The following KCNAB2 variants were observed in gnomAD, a reference collection of about 807,000 sequenced individuals.
KCNAB2 encodes potassium voltage-gated channel subfamily A regulatory beta subunit 2, also known as voltage-gated potassium channel subunit beta-2.
In KCNAB2, 29 loss-of-function variants were observed where a neutral mutation model predicts 63.6. The observed-to-expected ratio is 0.46, with a 90% CI of 0.34 to 0.62. KCNAB2 has a LOEUF of 0.62. Among genes scored for constraint, KCNAB2 ranks in the 20% least tolerant of loss-of-function variants. The probability of loss-of-function intolerance (pLI) is 0.01; values close to 1 mark genes in which losing one functional copy is unlikely to be tolerated. For missense variants in KCNAB2, 359 were observed against 563.9 expected, an observed-to-expected ratio of 0.64 and a Z score of 3.68; for synonymous variants, 222 against 224.2, an observed-to-expected ratio of 0.99 and a Z score of 0.09.
chr1:6,046,046 A>C lies in KCNAB2; in HGVS notation c.-164A>C. 1.0e-6 allele frequency: 1 copy of C among 985,472 alleles called. No individual in the cohort carries two copies. The highest frequency in any genetic ancestry group is 1.2e-6 in the Non-Finnish European group (1 of 829,944). 61.0% of individuals were successfully genotyped at this position (985,472 alleles called of 1,614,324 possible). A position where few individuals can be genotyped will look rare whatever the true frequency, so the allele number is the denominator to read the frequency against. On this transcript the variant is annotated 5_prime_UTR_variant, in exon 1 of 16. Coordinates refer to ENST00000378083, the MANE Select transcript of KCNAB2 (RefSeq NM_001199862.2). Reference sequence around the variant, plus strand: ...ACTCGACTCTGGTGGGACTCATCTCATTCACCAATTGCTTCTGACGTCCTG... The same window carrying C: ...ACTCGACTCTGGTGGGACTCATCTCCTTCACCAATTGCTTCTGACGTCCTG...
rs530158204 is a variant in KCNAB2 at position 6,005,668 on chromosome 1, G to C, written c.-53+12880G>C. On this transcript the variant is annotated intron_variant, in intron 1 of 16. Coordinates refer to the KCNAB2 transcript ENST00000341524. ...CTCAGAGAGATGGGTTTAGTGGCCCGGGGAGGCACGGAAGCCCAGGTCTGT... is the reference window on the plus strand; with the variant it reads ...CTCAGAGAGATGGGTTTAGTGGCCCCGGGAGGCACGGAAGCCCAGGTCTGT... Among the ~76,000 whole-genome samples, 4 of 151,934 alleles carry C rather than the reference G, an allele frequency of 2.6e-5. No individual in the cohort carries two copies. In the East Asian group the frequency reaches 7.7e-4, roughly 29 times the overall value.
At chr1:6,021,451 A>T (rs971907454) in intron 1 of KCNAB2, among the ~76,000 whole-genome samples, 1 of 152,248 alleles carries the variant, frequency 6.6e-6, no homozygotes, top group African/African-American at 2.4e-5. Context: ...AAAATGTGCC[A>T]TCTTAACCAC....
chr1:6,099,042 G>C lies in KCNAB2; in HGVS notation c.*468G>C, dbSNP rs1396274949. The C allele has an allele frequency of 1.3e-5, 2 of 153,850 alleles. No homozygotes were observed. Among genetic ancestry groups the C allele is most frequent in the Non-Finnish European group, 2.9e-5 (2 of 69,228 alleles). 9.5% of individuals were successfully genotyped at this position (153,850 alleles called of 1,614,324 possible). Reference sequence around the variant, plus strand: ...GGAAAGGGGTCTGGCCCATCGAGGGGCCCCTTCTGCCAGGGCCTTGGTTGC... The same window carrying C: ...GGAAAGGGGTCTGGCCCATCGAGGGCCCCCTTCTGCCAGGGCCTTGGTTGC... On this transcript the variant is annotated 3_prime_UTR_variant, in exon 16 of 16. Coordinates refer to ENST00000378083, the MANE Select transcript of KCNAB2 (RefSeq NM_001199862.2).
chr1:6,012,786 G>A (rs1658264831), intron 1 of KCNAB2, among the ~76,000 whole-genome samples: 1 of 151,824 alleles, frequency 6.6e-6, no homozygotes, highest in East Asian at 1.9e-4. Context: ...TGAGATGGAG[G>A]GGCAGAGATC....
chr1:6,079,969 G>C (rs924571755), intron 4 of KCNAB2, among the ~76,000 whole-genome samples: 6 of 152,208 alleles, frequency 3.9e-5, no homozygotes, highest in Admixed American at 6.5e-5. Context: ...GTGTGGATTG[G>C]TTTTTAGGAT....
At chr1:6,013,188 A>G (rs148143981) in intron 1 of KCNAB2, among the ~76,000 whole-genome samples, 1 of 152,254 alleles carries the variant, frequency 6.6e-6, no homozygotes, top group African/African-American at 2.4e-5. Flanking sequence ...GCTGGGCACC[A>G]ATGAGGTGTC....
At chr1:6,082,798 A>G (rs1032459081) in intron 5 of KCNAB2, among the ~76,000 whole-genome samples, 1 of 152,218 alleles carries the variant, frequency 6.6e-6, no homozygotes, top group African/African-American at 2.4e-5. Flanking sequence ...ACTCTCCTGC[A>G]TCGGGTTTCC....
rs115201724 is a variant in KCNAB2, at chr1:6,069,180, C to T, written c.219-3575C>T. Among the ~76,000 whole-genome samples, 938 of 152,318 alleles carry T rather than the reference C, an allele frequency of 6.2e-3. 13 individuals are homozygous for T. The highest frequency in any genetic ancestry group is 0.021 in the African/African-American group (883 of 41,572). Reference sequence around the variant, plus strand: ...GGCAGGCGTGCAAACATCATCACTGCACGGAGCAGACAGGCGAGCAGGGCA... The same window carrying T: ...GGCAGGCGTGCAAACATCATCACTGTACGGAGCAGACAGGCGAGCAGGGCA... On this transcript the variant is annotated intron_variant, in intron 2 of 15. Coordinates refer to ENST00000378083, the MANE Select transcript of KCNAB2 (RefSeq NM_001199862.2). The surrounding 1 kb of genome is among the most constrained non-coding windows in gnomAD (Gnocchi z 5.4).
chr1:6,054,587 A>T (rs887390200), intron 2 of KCNAB2, among the ~76,000 whole-genome samples: 1 of 152,162 alleles, frequency 6.6e-6, no homozygotes, highest in Non-Finnish European at 1.5e-5. Flanking sequence ...CCAAGATGGA[A>T]CAAAAGTACA....
At chr1:6,020,085 G>C (rs1658735736) in intron 1 of KCNAB2, among the ~76,000 whole-genome samples, 1 of 152,124 alleles carries the variant, frequency 6.6e-6, no homozygotes, top group African/African-American at 2.4e-5. Context: ...CCTGTACCTG[G>C]GGTCCCGTCT....
At chr1:6,029,717 C>A (rs149312878), upstream of KCNAB2, among the ~76,000 whole-genome samples, 159 of 152,292 alleles carry the variant, frequency 1.0e-3, no homozygotes, top group African/African-American at 3.6e-3. Context: ...GAGAGAATTG[C>A]CCAAGGTCAT....
upstream of KCNAB2, chr1:6,041,493 C>T (rs1420196125): frequency 1.2e-5 from 4 of 337,388 alleles, no homozygotes; most frequent in Non-Finnish European, 2.2e-5. Context: ...TGCCCACAAG[C>T]ATATTGCAAA....
At chr1:6,033,216 G>C (rs567579657), upstream of KCNAB2, among the ~76,000 whole-genome samples, 7 of 150,892 alleles carry the variant, frequency 4.6e-5, no homozygotes, top group Non-Finnish European at 8.9e-5. Flanking sequence ...TGTGCATGTG[G>C]GTGTGTGCGC....
At chr1:6,051,961 G>T (rs1330879552) in intron 2 of KCNAB2, among the ~76,000 whole-genome samples, 1 of 152,232 alleles carries the variant, frequency 6.6e-6, no homozygotes, top group East Asian at 1.9e-4. Flanking sequence ...AAATAGCCAG[G>T]CATAGTGGGG....
At chr1:6,015,250 G>A (rs1276860248) in intron 1 of KCNAB2, among the ~76,000 whole-genome samples, 1 of 151,916 alleles carries the variant, frequency 6.6e-6, no homozygotes, top group Non-Finnish European at 1.5e-5. Flanking sequence ...GGCTGATTTC[G>A]AACTCTTGAC....
Position 6,002,370 on chromosome 1 carries a change from G to A in KCNAB2, c.-53+9582G>A, listed in dbSNP as rs181022164. 7.9e-5 allele frequency among the ~76,000 whole-genome samples: 12 copies of A among 152,358 alleles called. No homozygotes were observed. In the East Asian group the frequency reaches 2.1e-3, roughly 27 times the overall value. On this transcript the variant is annotated intron_variant, in intron 1 of 16. Transcript: ENST00000341524. ...AGGCCAGAGACAGCCGTGGCCTCTG[G>A]GGCCTGGCACTCAGCCAGAGCTGGC...
chr1:6,082,149 G>A (rs1664262957), intron 4 of KCNAB2, 46 bp from the exon 5 acceptor site: 1 of 1,542,782 alleles, frequency 6.5e-7, no homozygotes, highest in Non-Finnish European at 9.0e-7. Flanking sequence ...AGAGCCTCTG[G>A]GCCCCACCCC....
At chr1:6,098,395 G>C (rs906350546) in intron 15 of KCNAB2, 90 bp from the exon 16 acceptor site, 1 of 1,563,820 alleles carries the variant, frequency 6.4e-7, no homozygotes. Flanking sequence ...CTGGCCAGCC[G>C]ACCATCTGGA....
intron 7 of KCNAB2, among the ~76,000 whole-genome samples, chr1:6,088,334 T>A (rs1327107282): frequency 6.6e-6 from 1 of 151,760 alleles, no homozygotes; most frequent in Non-Finnish European, 1.5e-5. Context: ...TGGGTTCAAG[T>A]GACCTTCCTG....
Sources: allele counts gnomAD v4.1 joint callset (sites outside exome capture counted in the v4.1 genomes callset), GRCh38; gene constraint gnomAD v4.1.1; non-coding constraint Gnocchi (gnomAD v3.1); transcripts MANE v1.5; gene names NCBI Gene and HGNC (gene_info 2026-07-23, HGNC 2026-07-21).